The following OC90 variants were observed in gnomAD, a reference collection of about 807,000 sequenced individuals.
OC90 encodes the protein otoconin 90.
OC90 carries 46 observed loss-of-function variants against 47.3 expected under a neutral mutation model. That is an observed-to-expected ratio of 0.97 (90% CI 0.77 to 1.24). The LOEUF (loss-of-function observed/expected upper bound fraction) is 1.24. Among genes scored for constraint, OC90 ranks in the 50% most tolerant of loss-of-function variants. The probability of loss-of-function intolerance (pLI) is 0.00; values close to 1 mark genes in which losing one functional copy is unlikely to be tolerated. For synonymous variants in OC90, 271 were observed against 219.5 expected (o/e 1.23, Z -2.07); for missense variants, 688 against 583.9 (o/e 1.18, Z -1.84).
Position 132,029,167 on chromosome 8 carries a change from G to T in OC90, c.1044C>A (p.Ser348=), listed in dbSNP as rs1388364925. ...TCACTTGCTCTAGGCAGCAGTGATG[G>T]GACAAGCAGCACCTAAGACCAAGGA... The part of the protein sequence containing the change: ...PRDDLDRCCL[S]HHCCLEQVRR... The change falls in exon 13 of 14, where the codon TCC becomes TCA. Residue 348 remains serine, a synonymous_variant. Coordinates refer to ENST00000254627, the MANE Select transcript of OC90 (RefSeq NM_001080399.3). The T allele has an allele frequency of 1.9e-6, 3 of 1,613,316 alleles. No homozygotes were observed. The highest frequency in any genetic ancestry group is 2.7e-5 in the African/African-American group (2 of 74,890).
intron 12 of OC90, 128 bp from the exon 13 acceptor site, chr8:132,029,307 A>G (rs1335858737): frequency 1.4e-6 from 1 of 707,886 alleles, no homozygotes; most frequent in Non-Finnish European, 2.5e-6. Context: ...TCCAGTGCAC[A>G]CAGGGCTGAC....
At chr8:132,045,458 A>G (rs1586713708) in intron 3 of OC90, among the ~76,000 whole-genome samples, 1 of 152,214 alleles carries the variant, frequency 6.6e-6, no homozygotes, top group African/African-American at 2.4e-5. Context: ...CAAGCAATAT[A>G]TCATTTATCC....
chr8:132,039,211 T>C, intron 6 of OC90, 88 bp from the exon 7 acceptor site: 1 of 1,410,454 alleles, frequency 7.1e-7, no homozygotes, highest in Non-Finnish European at 9.8e-7. Flanking sequence ...GTTCCTCATC[T>C]CCCCTGCCAA....
chr8:132,033,016 GGACA>G lies in OC90; in HGVS notation c.859+19_859+22del. ...CACCAAAAGATCCCAGCAGCGGAGA[GGACA>G]GACACTGCTTCTGCTCACCTTTTTC... On this transcript the variant is annotated intron_variant, in intron 11 of 13. Coordinates refer to ENST00000254627, the MANE Select transcript of OC90 (RefSeq NM_001080399.3). 6.2e-7 allele frequency: 1 copy of G among 1,604,110 alleles called. No individual in the cohort carries two copies. The highest frequency in any genetic ancestry group is 2.2e-5 in the East Asian group (1 of 44,574).
At chr8:132,036,211 T>C (rs1352750556) in intron 9 of OC90, among the ~76,000 whole-genome samples, 1 of 152,250 alleles carries the variant, frequency 6.6e-6, no homozygotes, top group Non-Finnish European at 1.5e-5. Context: ...TTATTCTTCC[T>C]GAGCCTCAGT....
At chr8:132,040,430 G>A (rs372315867) in intron 6 of OC90, among the ~76,000 whole-genome samples, 19 of 152,240 alleles carry the variant, frequency 1.2e-4, no homozygotes, top group East Asian at 7.7e-4. Context: ...ATGCCTTTGC[G>A]TATTCTACCT....
intron 2 of OC90, chr8:132,049,760 C>T (rs760799456): frequency 2.6e-5 from 13 of 496,944 alleles, no homozygotes; most frequent in Middle Eastern, 3.3e-4. Flanking sequence ...TTTGAGGTTG[C>T]ATTTCTCAGC....
chr8:132,024,527 C>T lies in OC90; in HGVS notation c.1388G>A (p.Arg463Gln), dbSNP rs377280816. ...GATCCCCAAGGGACCCAGTGACTTC[C>T]GCAGAAACCTCTTGGCTCTGCCGAG... ...EDLGRAKRFL[R>Q]KSLGPLGIGP... Residue 463 changes from arginine to glutamine, a missense_variant, in exon 14 of 14, where the codon CGG (arginine) becomes CAG (glutamine). Physicochemically the swap from Arg to Gln is conservative, Grantham distance 43. Coordinates refer to ENST00000254627, the MANE Select transcript of OC90 (RefSeq NM_001080399.3). The T allele has an allele frequency of 4.6e-5, 73 of 1,594,366 alleles. No homozygotes were observed. The highest frequency in any genetic ancestry group is 1.6e-4 in the African/African-American group (12 of 74,498).
At chr8:132,034,056 A>G (rs7387407) in intron 10 of OC90, among the ~76,000 whole-genome samples, 111,807 of 152,118 alleles carry the variant, frequency 0.74, 41,295 homozygotes, top group East Asian at 0.77. Flanking sequence ...CCTAGGTTTA[A>G]CATCCTGCCC....
chr8:132,048,506 T>A (rs1162281137), intron 2 of OC90, among the ~76,000 whole-genome samples: 1 of 151,354 alleles, frequency 6.6e-6, no homozygotes, highest in Non-Finnish European at 1.5e-5. Context: ...TAAGTCCTGC[T>A]TTTGCCTCTT....
intron 11 of OC90, 101 bp from the exon 12 acceptor site, chr8:132,032,153 T>C: frequency 9.6e-7 from 1 of 1,036,690 alleles, no homozygotes; most frequent in Non-Finnish European, 1.5e-6. Flanking sequence ...ACAACTCTAG[T>C]CATGCAAAGG....
chr8:132,036,765 T>C (rs1019087405), intron 9 of OC90, among the ~76,000 whole-genome samples: 1 of 152,252 alleles, frequency 6.6e-6, no homozygotes, highest in African/African-American at 2.4e-5. Flanking sequence ...GTCTGTGTCT[T>C]AGACAATTCA....
rs1190039783 is a variant in OC90 at position 132,055,005 on chromosome 8, T to A, written c.22A>T (p.Ser8Cys). 1 of 1,551,226 alleles carries A rather than the reference T, an allele frequency of 6.4e-7. No homozygotes were observed. Among genetic ancestry groups the A allele is most frequent in the African/African-American group, 1.4e-5 (1 of 72,978 alleles). Residue 8 changes from serine (S) to cysteine (C), a missense_variant, in exon 2 of 14, where the codon AGT (serine) becomes TGT (cysteine). Physicochemically the swap from Ser to Cys is moderately radical, Grantham distance 112. Transcript: ENST00000254627. MIAFLLT[S>C]VLMIPHAGGH... ...CCGGCATGGGGGATCATCAGCACAC[T>A]GGTGAGGAGAAACGCAATCATAGCA...
At position 132,033,240 on chromosome 8, in the gene OC90, C is replaced by A. The variant is rs537248846; in HGVS notation, c.734-76G>T. The stretch of plus-strand genomic sequence containing the variant: ...GATTTGCAGATGGACATACGAAAGC[C>A]AAATGCAAACAGATAGAACAACATA... On this transcript the variant is annotated intron_variant, in intron 10 of 13. Transcript: ENST00000254627. The A allele has an allele frequency of 2.1e-5, 29 of 1,404,260 alleles. No individual in the cohort carries two copies. In the African/African-American group the frequency reaches 3.7e-4, roughly 18 times the overall value. The allele number at this position is 1,404,260 out of a possible 1,614,324, so 87.0% of individuals were successfully genotyped here.
chr8:132,055,378 C>G (rs933197080), intron 1 of OC90, among the ~76,000 whole-genome samples: 3 of 152,162 alleles, frequency 2.0e-5, no homozygotes, highest in Non-Finnish European at 4.4e-5. Flanking sequence ...AGGCCTGCCT[C>G]GTGTCAGGCA....
rs1823262598 is a variant in OC90 at position 132,054,990 on chromosome 8, G to A, written c.37C>T (p.Pro13Ser). The A allele has an allele frequency of 1.8e-5, 28 of 1,549,744 alleles. No homozygotes were observed. The highest frequency in any genetic ancestry group is 2.1e-5 in the Non-Finnish European group (24 of 1,146,064). The change falls in exon 2 of 14, where the codon CCC becomes TCC. Residue 13 changes from proline to serine, a missense_variant. Coordinates refer to ENST00000254627, the MANE Select transcript of OC90 (RefSeq NM_001080399.3). ...AGATATCATTACTCACCGGCATGGG[G>A]GATCATCAGCACACTGGTGAGGAGA... Reference protein sequence around the residue: ...AFLLTSVLMIPHAGGHPLDTP... With the variant: ...AFLLTSVLMISHAGGHPLDTP...
At chr8:132,057,428 CA>C (rs1358163897) in intron 1 of OC90, among the ~76,000 whole-genome samples, 2 of 152,148 alleles carry the variant, frequency 1.3e-5, no homozygotes, top group African/African-American at 4.8e-5. Context: ...GCAAATGAGC[CA>C]AAATGACTTT....
At chr8:132,052,573 G>A (rs370342549) in intron 2 of OC90, among the ~76,000 whole-genome samples, 5 of 152,114 alleles carry the variant, frequency 3.3e-5, no homozygotes, top group African/African-American at 9.7e-5. Context: ...ACTCCCACAC[G>A]TTATTATTAG....
At chr8:132,056,605 G>A (rs1000850060) in intron 1 of OC90, among the ~76,000 whole-genome samples, 1 of 152,124 alleles carries the variant, frequency 6.6e-6, no homozygotes, top group Non-Finnish European at 1.5e-5. Context: ...TAACTTTCAA[G>A]GTGAGACAGT....
Sources: gnomAD v4.1 joint callset for allele counts (sites outside exome capture counted in the v4.1 genomes callset) on GRCh38, gnomAD v4.1.1 for gene constraint, MANE v1.5 for transcripts, NCBI Gene and HGNC (gene_info 2026-07-23, HGNC 2026-07-21) for gene names.